The following SLC24A4 variants were observed in gnomAD, a reference collection of about 807,000 sequenced individuals.
SLC24A4 encodes sodium/potassium/calcium exchanger 4.
Under a neutral mutation model 79.0 loss-of-function variants are expected in SLC24A4, and 53 were observed. The observed-to-expected ratio is 0.67, with a 90% CI of 0.54 to 0.84. SLC24A4 has a LOEUF of 0.84. Ranked by LOEUF, SLC24A4 falls within the 40% of genes least tolerant of loss-of-function variation. SLC24A4 has a pLI of 0.00. For missense variants in SLC24A4, 731 were observed against 822.0 expected, an observed-to-expected ratio of 0.89 and a Z score of 1.35; for synonymous variants, 323 against 323.8, an observed-to-expected ratio of 1.00 and a Z score of 0.03.
At chr14:92,405,924 ACT>A (rs1234253216) in intron 2 of SLC24A4, among the ~76,000 whole-genome samples, 3 of 152,118 alleles carry the variant, frequency 2.0e-5, no homozygotes, top group African/African-American at 7.2e-5. Context: ...CAAAGTCTTA[ACT>A]CATTTCAGTA....
At chr14:92,337,102 T>G (rs536422381) in intron 2 of SLC24A4, among the ~76,000 whole-genome samples, 2 of 151,674 alleles carry the variant, frequency 1.3e-5, no homozygotes, top group Non-Finnish European at 2.9e-5. Flanking sequence ...TTTTTTTTTT[T>G]AAAAACATGG....
At chr14:92,417,220 A>G (rs1479898383) in intron 2 of SLC24A4, among the ~76,000 whole-genome samples, 1 of 152,200 alleles carries the variant, frequency 6.6e-6, no homozygotes, top group Non-Finnish European at 1.5e-5. Flanking sequence ...GATTATACAG[A>G]TAGGGAGCTG....
At chr14:92,397,862 A>G (rs1402797123) in intron 2 of SLC24A4, among the ~76,000 whole-genome samples, 1 of 152,234 alleles carries the variant, frequency 6.6e-6, no homozygotes, top group Non-Finnish European at 1.5e-5. Flanking sequence ...CTAAAAATAG[A>G]AGCAAATGAC....
At chr14:92,334,145 G>A (rs574262755) in intron 2 of SLC24A4, among the ~76,000 whole-genome samples, 1 of 152,202 alleles carries the variant, frequency 6.6e-6, no homozygotes, top group Non-Finnish European at 1.5e-5. Flanking sequence ...AAATTTTAAA[G>A]TCGTTATGTA....
At chr14:92,324,676 A>T (rs1483585478) in intron 1 of SLC24A4, among the ~76,000 whole-genome samples, 2 of 152,324 alleles carry the variant, frequency 1.3e-5, no homozygotes, top group African/African-American at 4.8e-5. Context: ...AACCTTCAGG[A>T]GGCATTCACT....
intron 2 of SLC24A4, among the ~76,000 whole-genome samples, chr14:92,413,973 G>A (rs1380675912): frequency 1.3e-5 from 2 of 152,162 alleles, no homozygotes; most frequent in African/African-American, 4.8e-5. Flanking sequence ...CAGCCACCCA[G>A]TTTTGATAGA....
chr14:92,381,576 A>G (rs1054973039), intron 2 of SLC24A4, among the ~76,000 whole-genome samples: 6 of 152,222 alleles, frequency 3.9e-5, no homozygotes, highest in Non-Finnish European at 2.9e-5. Flanking sequence ...CAGCACATTC[A>G]GTTCTATGTA....
At chr14:92,384,998 T>C (rs1400980788) in intron 2 of SLC24A4, among the ~76,000 whole-genome samples, 2 of 152,174 alleles carry the variant, frequency 1.3e-5, no homozygotes, top group Admixed American at 1.3e-4. Context: ...TAAGGTTACC[T>C]AAGAGAGAAG....
At chr14:92,350,261 C>T (rs1230769533) in intron 2 of SLC24A4, among the ~76,000 whole-genome samples, 1 of 152,146 alleles carries the variant, frequency 6.6e-6, no homozygotes, top group African/African-American at 2.4e-5. Flanking sequence ...ACCTTGCCAC[C>T]AGGTTATAAA....
chr14:92,435,422 A>G (rs756880715), intron 3 of SLC24A4, among the ~76,000 whole-genome samples: 1 of 152,274 alleles, frequency 6.6e-6, no homozygotes, highest in Non-Finnish European at 1.5e-5. Flanking sequence ...GAGTCCATGC[A>G]TCAGAGACTG....
At chr14:92,379,311 A>T (rs1458732863) in intron 2 of SLC24A4, among the ~76,000 whole-genome samples, 1 of 152,050 alleles carries the variant, frequency 6.6e-6, no homozygotes, top group Non-Finnish European at 1.5e-5. Context: ...CCAAATTCTC[A>T]GGGCATCCAC....
chr14:92,425,608 C>T (rs562517917), intron 2 of SLC24A4, among the ~76,000 whole-genome samples: 54 of 152,314 alleles, frequency 3.5e-4, no homozygotes, highest in Middle Eastern at 3.4e-3. Flanking sequence ...CGGGCTCTGG[C>T]AATTCTGTTG....
intron 2 of SLC24A4, among the ~76,000 whole-genome samples, chr14:92,386,460 C>T (rs1033791122): frequency 6.6e-6 from 1 of 152,106 alleles, no homozygotes; most frequent in African/African-American, 2.4e-5. Context: ...CTACAATCTG[C>T]GGGGTGCCGG....
chr14:92,339,072 G>A (rs1194738518), intron 2 of SLC24A4, among the ~76,000 whole-genome samples: 2 of 152,176 alleles, frequency 1.3e-5, no homozygotes, highest in Non-Finnish European at 2.9e-5. Flanking sequence ...CAGGACACCC[G>A]GAAGGAGTTA....
chr14:92,360,741 C>G (rs892981949), intron 2 of SLC24A4, among the ~76,000 whole-genome samples: 2 of 152,224 alleles, frequency 1.3e-5, no homozygotes, highest in Non-Finnish European at 2.9e-5. Context: ...TGCACATCCT[C>G]CATCTGGTTG....
chr14:92,446,017 T>G (rs1892776730), intron 8 of SLC24A4, among the ~76,000 whole-genome samples: 1 of 152,172 alleles, frequency 6.6e-6, no homozygotes, highest in African/African-American at 2.4e-5. Context: ...AGCAACATAG[T>G]GAGACCCCGT....
intron 2 of SLC24A4, among the ~76,000 whole-genome samples, chr14:92,341,705 C>T (rs1002335387): frequency 6.6e-6 from 1 of 152,106 alleles, no homozygotes; most frequent in African/African-American, 2.4e-5. Context: ...AAACAGTCTC[C>T]CCAGGAAAAT....
rs1180393104 is a variant in SLC24A4, at chr14:92,466,819, A to G, written c.1255+10211A>G. On this transcript the variant is annotated intron_variant, in intron 12 of 16. Transcript: ENST00000532405. Reference sequence around the variant, plus strand: ...CAGGATTTAGACTCTGAAGACCTGCATTCGAGACCTGGTACTATCTCCCAT... The same window carrying G: ...CAGGATTTAGACTCTGAAGACCTGCGTTCGAGACCTGGTACTATCTCCCAT... Among the ~76,000 whole-genome samples, 2 of 152,236 alleles carry G rather than the reference A, an allele frequency of 1.3e-5. 1 individual carries two copies. Among genetic ancestry groups the G allele is most frequent in the Admixed American group, 1.3e-4 (2 of 15,288 alleles).
intron 12 of SLC24A4, among the ~76,000 whole-genome samples, chr14:92,457,857 G>C (rs904135174): frequency 6.6e-6 from 1 of 152,216 alleles, no homozygotes; most frequent in African/African-American, 2.4e-5. Flanking sequence ...CACCTGACTT[G>C]GGAGGTGACT....
Sources: allele counts gnomAD v4.1 joint callset (sites outside exome capture counted in the v4.1 genomes callset), GRCh38; gene constraint gnomAD v4.1.1; transcripts MANE v1.5; gene names NCBI Gene and HGNC (gene_info 2026-07-23, HGNC 2026-07-21).